Variants in PRORP observed in about 807,000 individuals in gnomAD.
The protein encoded by PRORP is protein only RNase P catalytic subunit.
A neutral mutation model predicts 59.4 loss-of-function variants in PRORP; 51 were observed. That is an observed-to-expected ratio of 0.86 (90% CI 0.69 to 1.08). PRORP has a LOEUF of 1.08. Among genes scored for constraint, PRORP ranks in the 50% least tolerant of loss-of-function variants. PRORP has a pLI of 0.00. For synonymous variants in PRORP, 231 were observed against 245.6 expected (o/e 0.94, Z 0.55); for missense variants, 646 against 690.3 (o/e 0.94, Z 0.72).
intron 5 of PRORP, among the ~76,000 whole-genome samples, chr14:35,194,531 C>T (rs1005985428): frequency 7.2e-5 from 11 of 151,828 alleles, no homozygotes; most frequent in African/African-American, 1.5e-4. Context: ...CAGGGCCTGT[C>T]GGGGGATGAG....
intron 4 of PRORP, among the ~76,000 whole-genome samples, chr14:35,146,278 A>T (rs1039547444): frequency 7.2e-5 from 11 of 152,210 alleles, no homozygotes; most frequent in Admixed American, 2.6e-4. Flanking sequence ...GGTACATTTA[A>T]TTGAGTTTTT....
chr14:35,216,765 C>G (rs1337962332), intron 5 of PRORP, among the ~76,000 whole-genome samples: 1 of 152,182 alleles, frequency 6.6e-6, no homozygotes, highest in African/African-American at 2.4e-5. Context: ...TTCTCACCAG[C>G]AGTATATAAA....
chr14:35,250,188 C>T lies in PRORP; in HGVS notation c.1276-16539C>T, dbSNP rs141229679. ...GCCTGAACCCAGTGAGCCACGATCTCGCCACTGCACACCAGCCTGGGTGAC... is the reference window on the plus strand; with the variant it reads ...GCCTGAACCCAGTGAGCCACGATCTTGCCACTGCACACCAGCCTGGGTGAC... On this transcript the variant is annotated intron_variant, in intron 5 of 7. Transcript: ENST00000534898. Among the ~76,000 whole-genome samples the T allele has an allele frequency of 3.3e-5, 5 of 151,576 alleles. No individual in the cohort carries two copies. In the East Asian group the frequency reaches 7.8e-4, roughly 24 times the overall value.
At chr14:35,230,050 C>CTTTTTTTTTTTTTTTTTTTTT (rs35309046) in intron 5 of PRORP, among the ~76,000 whole-genome samples, 1 of 109,138 alleles carries the variant, frequency 9.2e-6, no homozygotes. Flanking sequence ...ACTGTAAATT[C>CTTTTTTTTTTTTTTTTTTTTT]TTTTTTTTTT....
At position 35,123,524 on chromosome 14, in the gene PRORP, A is replaced by G. The variant is rs2047000098; in HGVS notation, c.279A>G (p.Arg93=). The change falls in exon 2 of 8, where the codon AGA becomes AGG. Residue 93 remains arginine, a synonymous_variant. Coordinates refer to ENST00000534898, the MANE Select transcript of PRORP (RefSeq NM_014672.4). ...HFFLAGAAKE[R]SQMNSQTEDH... is the part of the protein sequence containing the mutation. ...TTTTAGCTGGAGCAGCTAAGGAGAG[A>G]TCACAGATGAATTCTCAAACTGAAG... 1 of 1,614,052 alleles carries G rather than the reference A, an allele frequency of 6.2e-7. No individual in the cohort carries two copies. Among genetic ancestry groups the G allele is most frequent in the Non-Finnish European group, 8.5e-7 (1 of 1,180,046 alleles).
At position 35,254,538 on chromosome 14, in the gene PRORP, A is replaced by G. The variant is rs143534910; in HGVS notation, c.1276-12189A>G. Among the ~76,000 whole-genome samples the G allele has an allele frequency of 3.5e-3, 535 of 152,306 alleles. 4 individuals carry two copies. Among genetic ancestry groups the G allele is most frequent in the African/African-American group, 0.012 (508 of 41,566 alleles). The stretch of plus-strand genomic sequence containing the variant: ...CTCCTGAGTAGCTGGGATTACAGGC[A>G]TGCGCCACCACTCGCAGCTAATTTT... On this transcript the variant is annotated intron_variant, in intron 5 of 7. Coordinates refer to ENST00000534898, the MANE Select transcript of PRORP (RefSeq NM_014672.4).
intron 2 of PRORP, 131 bp from the exon 3 acceptor site, chr14:35,126,604 T>G (rs1179338115): frequency 1.6e-6 from 1 of 635,948 alleles, no homozygotes; most frequent in Non-Finnish European, 2.7e-6. Flanking sequence ...CTTTTTAAAT[T>G]AAACCATTCT....
intron 5 of PRORP, among the ~76,000 whole-genome samples, chr14:35,220,465 C>T (rs955601372): frequency 1.2e-4 from 18 of 152,160 alleles, no homozygotes; most frequent in African/African-American, 4.3e-4. Context: ...ACTGCCTCTC[C>T]ACCATTCTGA....
At chr14:35,218,174 A>G (rs1006358182) in intron 5 of PRORP, among the ~76,000 whole-genome samples, 1 of 152,166 alleles carries the variant, frequency 6.6e-6, no homozygotes, top group East Asian at 1.9e-4. Context: ...AAGAAACACA[A>G]TAGAGCTGGG....
chr14:35,180,980 C>T (rs1159857308), intron 5 of PRORP, among the ~76,000 whole-genome samples: 1 of 152,024 alleles, frequency 6.6e-6, no homozygotes, highest in African/African-American at 2.4e-5. Flanking sequence ...TGGGAGAAAA[C>T]AATTAAAAGT....
chr14:35,168,627 C>G (rs1194515414), intron 4 of PRORP, among the ~76,000 whole-genome samples: 1 of 151,974 alleles, frequency 6.6e-6, no homozygotes, highest in Non-Finnish European at 1.5e-5. Context: ...AAAGCATAGG[C>G]CTATTATTTT....
chr14:35,167,991 AT>A (rs1555324447), intron 4 of PRORP, among the ~76,000 whole-genome samples: 3 of 152,076 alleles, frequency 2.0e-5, no homozygotes, highest in Non-Finnish European at 4.4e-5. Context: ...GCTTTAACAC[AT>A]TTTTCCCCCA....
At chr14:35,213,196 A>G (rs1025433213) in intron 5 of PRORP, among the ~76,000 whole-genome samples, 7 of 152,218 alleles carry the variant, frequency 4.6e-5, no homozygotes, top group African/African-American at 1.7e-4. Context: ...CCAGGCCACA[A>G]AAACTTCATC....
At chr14:35,133,610 G>A (rs753552552) in intron 4 of PRORP, among the ~76,000 whole-genome samples, 1 of 152,148 alleles carries the variant, frequency 6.6e-6, no homozygotes, top group Non-Finnish European at 1.5e-5. Context: ...AGTCTTTGCA[G>A]TCTGGGCTTG....
Position 35,123,879 on chromosome 14 carries a change from G to A in PRORP, c.634G>A (p.Gly212Ser), listed in dbSNP as rs770676199. Residue 212 changes from glycine to serine, a missense_variant, in exon 2 of 8, where the codon GGT becomes AGT. By Grantham distance (56) the Gly-to-Ser change is moderately conservative. Coordinates refer to ENST00000534898, the MANE Select transcript of PRORP (RefSeq NM_014672.4). ...CAGATATAAGACTTTAGAACCTAGA[G>A]GTTACAGTCTTCTCATCCGGGGATT... is the stretch of plus-strand genomic sequence containing the variant. Reference protein sequence around the residue: ...KARYKTLEPRGYSLLIRGLIH... With the variant: ...KARYKTLEPRSYSLLIRGLIH... The A allele has an allele frequency of 2.5e-6, 4 of 1,614,136 alleles. No individual in the cohort carries two copies. Among genetic ancestry groups the A allele is most frequent in the Non-Finnish European group, 3.4e-6 (4 of 1,180,006 alleles).
intron 2 of PRORP, 35 bp from the exon 3 acceptor site, chr14:35,126,700 C>A: frequency 6.5e-7 from 1 of 1,536,002 alleles, no homozygotes; most frequent in Non-Finnish European, 9.0e-7. Context: ...AGGAATCTAA[C>A]CTTCTCATGA....
chr14:35,264,670 A>G (rs1018057477), intron 5 of PRORP, among the ~76,000 whole-genome samples: 1 of 152,218 alleles, frequency 6.6e-6, no homozygotes, highest in Non-Finnish European at 1.5e-5. Flanking sequence ...GTCCAAAGCA[A>G]TAAACAGTAA....
chr14:35,265,403 T>TACTTA (rs1566537162), intron 5 of PRORP, among the ~76,000 whole-genome samples: 2 of 152,230 alleles, frequency 1.3e-5, no homozygotes, highest in Non-Finnish European at 2.9e-5. Flanking sequence ...GTTTAATAGG[T>TACTTA]GGTACATAAA....
chr14:35,255,676 G>A (rs1345466844), intron 5 of PRORP, among the ~76,000 whole-genome samples: 1 of 152,108 alleles, frequency 6.6e-6, no homozygotes, highest in Non-Finnish European at 1.5e-5. Flanking sequence ...ACCAAACACA[G>A]CCTCTAGATT....
Sources: allele counts gnomAD v4.1 joint callset (sites outside exome capture counted in the v4.1 genomes callset), GRCh38; gene constraint gnomAD v4.1.1; transcripts MANE v1.5; gene names NCBI Gene and HGNC (gene_info 2026-07-23, HGNC 2026-07-21).